The following TENM4 variants were observed in gnomAD, a reference collection of about 807,000 sequenced individuals.
TENM4 encodes teneurin-4.
Under a neutral mutation model 243.3 loss-of-function variants are expected in TENM4, and 82 were observed. That is an observed-to-expected ratio of 0.34 (90% CI 0.28 to 0.40). The LOEUF is 0.40. Ranked by LOEUF, TENM4 falls within the 10% of genes least tolerant of loss-of-function variation. The pLI is 1.00. For missense variants in TENM4, 3,138 were observed against 3,673.3 expected (o/e 0.85, Z 3.77); for synonymous variants, 1,412 against 1,456.3 (o/e 0.97, Z 0.69).
At chr11:78,781,441 T>C (rs142354886) in intron 16 of TENM4, among the ~76,000 whole-genome samples, 160 of 152,342 alleles carry the variant, frequency 1.1e-3, no homozygotes, top group African/African-American at 3.6e-3. Context: ...AAAGGTACTA[T>C]AGCTATTTAT....
At chr11:78,736,761 T>C (rs1009317699) in intron 20 of TENM4, among the ~76,000 whole-genome samples, 1 of 152,198 alleles carries the variant, frequency 6.6e-6, no homozygotes, top group Non-Finnish European at 1.5e-5. Flanking sequence ...CCATACATTA[T>C]GCAGTGGCTG....
At chr11:79,130,785 T>C (rs1026571272) in intron 4 of TENM4, among the ~76,000 whole-genome samples, 1 of 152,130 alleles carries the variant, frequency 6.6e-6, no homozygotes, top group Admixed American at 6.5e-5. Flanking sequence ...ATTGCACCAC[T>C]GCACTCCAGC....
rs58117939 is a variant in TENM4 at position 78,709,153 on chromosome 11, T to TA, written c.4055-639dup. On this transcript the variant is annotated intron_variant, in intron 26 of 33. Coordinates refer to ENST00000278550, the MANE Select transcript of TENM4 (RefSeq NM_001098816.3). ...TGGCTAATTTTTTTTTTTTTTTTTT[T>TA]AGTAGAGATGAGATTTCACCATGTT... Among the ~76,000 whole-genome samples the TA allele has an allele frequency of 9.0e-4, 135 of 149,492 alleles. 1 individual carries two copies. The highest frequency in any genetic ancestry group is 1.5e-3 in the Non-Finnish European group (99 of 67,192).
At chr11:79,018,057 G>T (rs1858823881) in intron 6 of TENM4, among the ~76,000 whole-genome samples, 1 of 152,166 alleles carries the variant, frequency 6.6e-6, no homozygotes, top group Non-Finnish European at 1.5e-5. Context: ...AAGCTGGGGA[G>T]GAGGGCTGGG....
chr11:79,354,086 T>C (rs1016660013), intron 1 of TENM4, among the ~76,000 whole-genome samples: 2 of 152,260 alleles, frequency 1.3e-5, no homozygotes, highest in African/African-American at 4.8e-5. Flanking sequence ...ACCTTGGTTT[T>C]TGCACTTACA....
intron 1 of TENM4, among the ~76,000 whole-genome samples, chr11:79,436,119 A>G (rs1859267209): frequency 1.3e-5 from 2 of 152,210 alleles, no homozygotes; most frequent in African/African-American, 4.8e-5. Context: ...GGAGGTAGAA[A>G]GGAACAAGCA....
At chr11:78,864,292 G>A (rs1357782420) in intron 9 of TENM4, among the ~76,000 whole-genome samples, 2 of 151,568 alleles carry the variant, frequency 1.3e-5, no homozygotes, top group African/African-American at 2.4e-5. Context: ...AAATTAGCCG[G>A]GCGTAGTGGC....
chr11:79,035,972 A>G (rs1859368096), intron 6 of TENM4, among the ~76,000 whole-genome samples: 1 of 152,174 alleles, frequency 6.6e-6, no homozygotes, highest in Non-Finnish European at 1.5e-5. Context: ...ATGATCTTAG[A>G]TCTACTGTTT....
chr11:79,119,911 T>TTAC (rs1314291947), intron 4 of TENM4, among the ~76,000 whole-genome samples: 1 of 152,184 alleles, frequency 6.6e-6, no homozygotes, highest in East Asian at 1.9e-4. Context: ...AACCAGGCTG[T>TTAC]CTATATCCCA....
chr11:79,242,145 C>G (rs151322383), intron 2 of TENM4, among the ~76,000 whole-genome samples: 1 of 152,196 alleles, frequency 6.6e-6, no homozygotes, highest in South Asian at 2.1e-4. Flanking sequence ...GGAGCAGAGG[C>G]CTTCCTCGAC....
intron 1 of TENM4, among the ~76,000 whole-genome samples, chr11:79,434,754 G>C (rs563902378): frequency 6.6e-6 from 1 of 152,224 alleles, no homozygotes; most frequent in Non-Finnish European, 1.5e-5. Flanking sequence ...AGATGAAAGA[G>C]ACATCATGGT....
intron 6 of TENM4, among the ~76,000 whole-genome samples, chr11:79,043,491 CAA>C (rs1228073607): frequency 6.6e-6 from 1 of 152,086 alleles, no homozygotes; most frequent in Admixed American, 6.6e-5. Context: ...CTGTGTGGAA[CAA>C]AGTCTCCCCC....
intron 4 of TENM4, among the ~76,000 whole-genome samples, chr11:79,116,207 T>A (rs908337796): frequency 7.2e-5 from 11 of 152,206 alleles, no homozygotes; most frequent in Admixed American, 2.0e-4. Context: ...GCATAGTAAA[T>A]CATAAATGGC....
chr11:79,086,713 A>G (rs893442541), intron 4 of TENM4, among the ~76,000 whole-genome samples: 8 of 151,636 alleles, frequency 5.3e-5, no homozygotes, highest in Admixed American at 1.3e-4. Context: ...TTATGCCTGT[A>G]GTCCCAGCTG....
chr11:78,970,396 G>A (rs561770508), intron 6 of TENM4, among the ~76,000 whole-genome samples: 27 of 152,242 alleles, frequency 1.8e-4, no homozygotes, highest in African/African-American at 5.8e-4. Flanking sequence ...GTGACTATTC[G>A]TTCGGGTTTG....
chr11:78,661,323 T>C, intron 33 of TENM4, 126 bp downstream of exon 33: 1 of 1,267,212 alleles, frequency 7.9e-7, no homozygotes, highest in South Asian at 1.5e-5. Context: ...GAACAACCTC[T>C]GGCAGGCACT....
At chr11:79,000,630 A>T (rs186058709) in intron 6 of TENM4, among the ~76,000 whole-genome samples, 143 of 152,344 alleles carry the variant, frequency 9.4e-4, no homozygotes, top group African/African-American at 3.2e-3. Context: ...AGATATAGTT[A>T]AAAAAATCAA....
chr11:79,134,485 A>G (rs1425530218), intron 4 of TENM4, among the ~76,000 whole-genome samples: 2 of 152,180 alleles, frequency 1.3e-5, no homozygotes, highest in African/African-American at 4.8e-5. Context: ...TCACAGAACT[A>G]GAAAAAACAA....
intron 4 of TENM4, among the ~76,000 whole-genome samples, chr11:79,124,048 A>G (rs1483302786): frequency 1.3e-5 from 2 of 152,176 alleles, no homozygotes; most frequent in African/African-American, 4.8e-5. Context: ...TTGTCCTACA[A>G]TAATACCTAC....
Sources: gnomAD v4.1 joint callset for allele counts (sites outside exome capture counted in the v4.1 genomes callset) on GRCh38, gnomAD v4.1.1 for gene constraint, MANE v1.5 for transcripts, NCBI Gene and HGNC (gene_info 2026-07-23, HGNC 2026-07-21) for gene names.